The following DCPS variants were observed in gnomAD, a reference collection of about 807,000 sequenced individuals.
DCPS encodes decapping enzyme, scavenger.
DCPS carries 27 observed loss-of-function variants against 34.7 expected under a neutral mutation model. That is an observed-to-expected ratio of 0.78 (90% CI 0.57 to 1.07). DCPS has a LOEUF of 1.07. DCPS is among the 50% of genes least tolerant of loss of function. DCPS has a pLI of 0.00. For missense variants in DCPS, 464 were observed against 436.9 expected, an observed-to-expected ratio of 1.06 and a Z score of -0.55; for synonymous variants, 185 against 185.7, an observed-to-expected ratio of 1.00 and a Z score of 0.03.
chr11:126,338,298 A>C lies in DCPS; in HGVS notation c.535A>C (p.Ile179Leu), dbSNP rs762331988. ...QSLSIQWVYN[I>L]LDKKAEADRI... is the part of the protein sequence containing the mutation. ...CCCCTCCTTTCAGTGGGTGTATAAC[A>C]TTCTCGACAAGAAGGCTGAAGCGGA... Residue 179 changes from isoleucine (I) to leucine (L), a missense_variant, in exon 4 of 6, where the codon ATT (isoleucine) becomes CTT (leucine). Transcript: ENST00000263579. This position sits in a 1 kb window ranked among gnomAD's most constrained non-coding sequence, Gnocchi z 5.4. 2.5e-5 allele frequency: 40 copies of C among 1,613,996 alleles called. No homozygotes were observed. Among genetic ancestry groups the C allele is most frequent in the African/African-American group, 4.0e-5 (3 of 74,910 alleles).
At position 126,331,367 on chromosome 11, in the gene DCPS, A is replaced by G. The variant is rs755815941; in HGVS notation, c.377-38A>G. Reference sequence around the variant, plus strand: ...GGTGCCTGTGGCATAGAGAGTGGGCATTGCTTCCCTGTCACGGGCTGTGCT... The same window carrying G: ...GGTGCCTGTGGCATAGAGAGTGGGCGTTGCTTCCCTGTCACGGGCTGTGCT... On this transcript the variant is annotated intron_variant, in intron 2 of 5. Transcript: ENST00000263579. This position sits in a 1 kb window ranked among gnomAD's most constrained non-coding sequence, Gnocchi z 7.2. 3.1e-6 allele frequency: 5 copies of G among 1,609,542 alleles called. No individual in the cohort carries two copies. Among genetic ancestry groups the G allele is most frequent in the East Asian group, 2.2e-5 (1 of 44,836 alleles).
chr11:126,317,105 C>T (rs1240880299), intron 2 of DCPS, among the ~76,000 whole-genome samples: 5 of 152,036 alleles, frequency 3.3e-5, no homozygotes, highest in East Asian at 1.9e-4. Context: ...ACTACAGGCG[C>T]GTGCCACCAC....
In DCPS at chr11:126,328,653, G is replaced by C. The variant is rs1258797423; in HGVS notation, c.377-2752G>C. Among the ~76,000 whole-genome samples the C allele has an allele frequency of 6.6e-6, 1 of 152,122 alleles. No homozygotes were observed. Among genetic ancestry groups the C allele is most frequent in the Admixed American group, 6.5e-5 (1 of 15,278 alleles). On this transcript the variant is annotated intron_variant, in intron 2 of 5. Coordinates refer to ENST00000263579, the MANE Select transcript of DCPS (RefSeq NM_014026.6). The surrounding 1 kb of genome is among the most constrained non-coding windows in gnomAD (Gnocchi z 6.6). Reference sequence around the variant, plus strand: ...GGAGCAGCCAGGAGCCCCAGGCTGGGAGCCCGGCTGGGTGACCCTGCCCGC... The same window carrying C: ...GGAGCAGCCAGGAGCCCCAGGCTGGCAGCCCGGCTGGGTGACCCTGCCCGC...
chr11:126,332,547 C>T lies in DCPS; in HGVS notation c.522+997C>T, dbSNP rs1951801619. Reference sequence around the variant, plus strand: ...GTGATGTGAGGAACTCACAGCCACTCCTCCCTGGCCCAGAAGAAGGGAGGG... The same window carrying T: ...GTGATGTGAGGAACTCACAGCCACTTCTCCCTGGCCCAGAAGAAGGGAGGG... On this transcript the variant is annotated intron_variant, in intron 3 of 5. Coordinates refer to ENST00000263579, the MANE Select transcript of DCPS (RefSeq NM_014026.6). This position sits in a 1 kb window ranked among gnomAD's most constrained non-coding sequence, Gnocchi z 5.4. Among the ~76,000 whole-genome samples, 1 of 152,226 alleles carries T rather than the reference C, an allele frequency of 6.6e-6. No individual in the cohort carries two copies. Among genetic ancestry groups the T allele is most frequent in the Admixed American group, 6.5e-5 (1 of 15,284 alleles).
At position 126,345,555 on chromosome 11, in the gene DCPS, T is replaced by C; in HGVS notation, c.956T>C (p.Phe319Ser). 6.2e-7 allele frequency: 1 copy of C among 1,613,942 alleles called. No individual in the cohort carries two copies. Residue 319 changes from phenylalanine to serine, a missense_variant, in exon 6 of 6, where the codon TTC becomes TCC. Coordinates refer to ENST00000263579, the MANE Select transcript of DCPS (RefSeq NM_014026.6). The surrounding 1 kb of genome is among the most constrained non-coding windows in gnomAD (Gnocchi z 7.4). ...CACTACCAGCAGCGCACGCTCACCT[T>C]CGCCCTCAGGGCTGACGACCCCCTG... ...PRHYQQRTLT[F>S]ALRADDPLLK...
rs764978677 is a variant in DCPS at position 126,347,467 on chromosome 11, A to G, written c.*1854A>G. On this transcript the variant is annotated 3_prime_UTR_variant, in exon 6 of 6. Coordinates refer to ENST00000263579, the MANE Select transcript of DCPS (RefSeq NM_014026.6). This position sits in a 1 kb window ranked among gnomAD's most constrained non-coding sequence, Gnocchi z 4.2. ...TCCAACTCCTGGCCTCAGGTGATCC[A>G]CCCATCTCGGCCTCCCAAAGTGCTG... Among the ~76,000 whole-genome samples the G allele has an allele frequency of 1.3e-5, 2 of 151,856 alleles. No individual in the cohort carries two copies. Among genetic ancestry groups the G allele is most frequent in the Admixed American group, 6.6e-5 (1 of 15,254 alleles).
chr11:126,307,773 A>G (rs1164845746), intron 2 of DCPS, among the ~76,000 whole-genome samples: 2 of 152,220 alleles, frequency 1.3e-5, no homozygotes, highest in Non-Finnish European at 2.9e-5. Context: ...AATCCTTACT[A>G]TTGTATCTAC....
At chr11:126,309,024 C>CCTTTTTTTTTTTTTTTTTTTT (rs1457988895) in intron 2 of DCPS, among the ~76,000 whole-genome samples, 1 of 138,404 alleles carries the variant, frequency 7.2e-6, no homozygotes. Flanking sequence ...TTTCCTGCCC[C>CCTTTTTTTTTTTTTTTTTTTT]TTTTTTTTTT....
rs1038238988 is a variant in DCPS at position 126,347,376 on chromosome 11, C to T, written c.*1763C>T. On this transcript the variant is annotated 3_prime_UTR_variant, in exon 6 of 6. Transcript: ENST00000263579. This position sits in a 1 kb window ranked among gnomAD's most constrained non-coding sequence, Gnocchi z 4.2. Reference sequence around the variant, plus strand: ...GTAGCTGGGACTACAGGGGTGCGCCCCCATGCCCAGCTAATTTTTGTATTT... The same window carrying T: ...GTAGCTGGGACTACAGGGGTGCGCCTCCATGCCCAGCTAATTTTTGTATTT... Among the ~76,000 whole-genome samples the T allele has an allele frequency of 6.6e-6, 1 of 151,992 alleles. No individual in the cohort carries two copies. The highest frequency in any genetic ancestry group is 1.5e-5 in the Non-Finnish European group (1 of 67,984).
chr11:126,309,668 C>T (rs1300276689), intron 2 of DCPS, among the ~76,000 whole-genome samples: 8 of 152,142 alleles, frequency 5.3e-5, no homozygotes, highest in African/African-American at 1.2e-4. Flanking sequence ...CCTGCTTTTC[C>T]TACCAAAACT....
At position 126,345,311 on chromosome 11, in the gene DCPS, C is replaced by G. The variant is rs764393255; in HGVS notation, c.748-36C>G. The G allele has an allele frequency of 5.7e-5, 92 of 1,609,202 alleles. No individual in the cohort carries two copies. Among genetic ancestry groups the G allele is most frequent in the Non-Finnish European group, 7.5e-5 (88 of 1,177,712 alleles). On this transcript the variant is annotated intron_variant, in intron 5 of 5. Transcript: ENST00000263579. The surrounding 1 kb of genome is among the most constrained non-coding windows in gnomAD (Gnocchi z 7.4). ...ACATGGCGCCGGGCCTCAGGCAGCA[C>G]GGTGACTCCTGACCTGCCTGCCCCT...
rs1951696439 is a variant in DCPS, at chr11:126,320,467, C to T, written c.377-10938C>T. On this transcript the variant is annotated intron_variant, in intron 2 of 5. Coordinates refer to ENST00000263579, the MANE Select transcript of DCPS (RefSeq NM_014026.6). The surrounding 1 kb of genome is among the most constrained non-coding windows in gnomAD (Gnocchi z 4.7). Reference sequence around the variant, plus strand: ...CTACTTCCTTTATAGCCTGCTCTGACAATGATATTAAAGGAATATTCTTAA... The same window carrying T: ...CTACTTCCTTTATAGCCTGCTCTGATAATGATATTAAAGGAATATTCTTAA... Among the ~76,000 whole-genome samples, 1 of 152,010 alleles carries T rather than the reference C, an allele frequency of 6.6e-6. No individual in the cohort carries two copies. Among genetic ancestry groups the T allele is most frequent in the South Asian group, 2.1e-4 (1 of 4,830 alleles).
rs138147024 is a variant in DCPS at position 126,339,966 on chromosome 11, C to T, written c.636+1567C>T. On this transcript the variant is annotated intron_variant, in intron 4 of 5. Transcript: ENST00000263579. ...GTGGGGTAGGAGGAGGACCTTCTGC[C>T]GCACCAGACTCTTGAAGACTGAAGA... Among the ~76,000 whole-genome samples the T allele has an allele frequency of 3.5e-4, 54 of 152,310 alleles. 6 individuals are homozygous for T. The highest frequency in any genetic ancestry group is 3.1e-3 in the East Asian group (16 of 5,182).
Position 126,313,385 on chromosome 11 carries a change from C to T in DCPS, c.376+6641C>T, listed in dbSNP as rs1951633365. On this transcript the variant is annotated intron_variant, in intron 2 of 5. Coordinates refer to ENST00000263579, the MANE Select transcript of DCPS (RefSeq NM_014026.6). The surrounding 1 kb of genome is among the most constrained non-coding windows in gnomAD (Gnocchi z 4.9). Reference sequence around the variant, plus strand: ...GGAGCATTTTAAAAGACAAGTCATTCTCAGAAGAGTTTGCTTGGTAGCATT... The same window carrying T: ...GGAGCATTTTAAAAGACAAGTCATTTTCAGAAGAGTTTGCTTGGTAGCATT... Among the ~76,000 whole-genome samples, 1 of 152,144 alleles carries T rather than the reference C, an allele frequency of 6.6e-6. No individual in the cohort carries two copies. The highest frequency in any genetic ancestry group is 1.5e-5 in the Non-Finnish European group (1 of 68,036).
At chr11:126,318,006 C>T (rs1386517944) in intron 2 of DCPS, among the ~76,000 whole-genome samples, 2 of 152,146 alleles carry the variant, frequency 1.3e-5, no homozygotes, top group African/African-American at 4.8e-5. Flanking sequence ...TGCTTGTGGG[C>T]CAGGAGACCC....
chr11:126,304,118 G>C lies in DCPS; in HGVS notation c.38G>C (p.Arg13Pro). ...DAAPQLGKRK[R>P]ELDVEEAHAA... ...GCTCCTCAACTAGGCAAGAGGAAGC[G>C]CGAATTGGACGTGGAGGAGGCCCAC... is the stretch of plus-strand genomic sequence containing the variant. Residue 13 changes from arginine (R) to proline (P), a missense_variant, in exon 1 of 6, where the codon CGC (arginine) becomes CCC (proline). By Grantham distance (103) the Arg-to-Pro change is moderately radical. Coordinates refer to ENST00000263579, the MANE Select transcript of DCPS (RefSeq NM_014026.6). 6.2e-7 allele frequency: 1 copy of C among 1,613,596 alleles called. No homozygotes were observed. The highest frequency in any genetic ancestry group is 1.3e-5 in the African/African-American group (1 of 75,076).
chr11:126,339,883 C>T (rs1339931143), intron 4 of DCPS, among the ~76,000 whole-genome samples: 1 of 152,140 alleles, frequency 6.6e-6, no homozygotes, highest in Non-Finnish European at 1.5e-5. Context: ...GGGTCAGAGC[C>T]TGGGTCACAG....
chr11:126,339,367 C>G (rs1951859617), intron 4 of DCPS, among the ~76,000 whole-genome samples: 1 of 152,216 alleles, frequency 6.6e-6, no homozygotes, highest in Non-Finnish European at 1.5e-5. Flanking sequence ...AGAGAAGGTG[C>G]CTTGGAGTGA....
At position 126,345,006 on chromosome 11, in the gene DCPS, G is replaced by A. The variant is rs1267110705; in HGVS notation, c.748-341G>A. On this transcript the variant is annotated intron_variant, in intron 5 of 5. Coordinates refer to ENST00000263579, the MANE Select transcript of DCPS (RefSeq NM_014026.6). This position sits in a 1 kb window ranked among gnomAD's most constrained non-coding sequence, Gnocchi z 7.4. ...AAGTCCCCATAGTCTTGGGAATCTGGGGCCTGTCTGTAGACACTGGGCCTT... is the reference window on the plus strand; with the variant it reads ...AAGTCCCCATAGTCTTGGGAATCTGAGGCCTGTCTGTAGACACTGGGCCTT... Among the ~76,000 whole-genome samples, 1 of 152,192 alleles carries A rather than the reference G, an allele frequency of 6.6e-6. No individual in the cohort carries two copies. Among genetic ancestry groups the A allele is most frequent in the African/African-American group, 2.4e-5 (1 of 41,436 alleles).
Sources: gnomAD v4.1 joint callset for allele counts (sites outside exome capture counted in the v4.1 genomes callset) on GRCh38, gnomAD v4.1.1 for gene constraint, Gnocchi (gnomAD v3.1) non-coding constraint, MANE v1.5 for transcripts, NCBI Gene and HGNC (gene_info 2026-07-23, HGNC 2026-07-21) for gene names.